SORCS2: variants seen among roughly 807,000 people sequenced by gnomAD.
SORCS2 encodes VPS10 domain-containing receptor SorCS2.
In SORCS2, 100 loss-of-function variants were observed where a neutral mutation model predicts 141.6. The observed-to-expected ratio is 0.71, with a 90% CI of 0.60 to 0.83. SORCS2 has a LOEUF of 0.83. SORCS2 is among the 40% of genes least tolerant of loss of function. SORCS2 has a pLI of 0.00. For missense variants in SORCS2, 1,646 were observed against 1,560.2 expected, an observed-to-expected ratio of 1.05 and a Z score of -0.93; for synonymous variants, 789 against 676.9, an observed-to-expected ratio of 1.17 and a Z score of -2.57.
chr4:7,283,638 GGGTGA>G (rs1031266402), intron 1 of SORCS2, among the ~76,000 whole-genome samples: 4 of 152,276 alleles, frequency 2.6e-5, no homozygotes, highest in African/African-American at 9.6e-5. Context: ...TGCCCTTGTG[GGGTGA>G]CATTGGGTTG....
chr4:7,490,213 G>T (rs1246149860), intron 2 of SORCS2, among the ~76,000 whole-genome samples: 1 of 152,178 alleles, frequency 6.6e-6, no homozygotes, highest in Non-Finnish European at 1.5e-5. Flanking sequence ...CTCTGAGGTG[G>T]CTTTGGGAGC....
At chr4:7,243,477 C>T (rs1339344577) in intron 1 of SORCS2, among the ~76,000 whole-genome samples, 3 of 152,064 alleles carry the variant, frequency 2.0e-5, no homozygotes, top group African/African-American at 7.2e-5. Flanking sequence ...GGGAAAGGTG[C>T]GGGGAGTGAA....
intron 3 of SORCS2, among the ~76,000 whole-genome samples, chr4:7,592,078 G>A (rs1473958862): frequency 7.2e-5 from 11 of 152,134 alleles, no homozygotes; most frequent in Non-Finnish European, 1.5e-4. Flanking sequence ...CACCACATGA[G>A]CCCTGAGCTT....
intron 3 of SORCS2, among the ~76,000 whole-genome samples, chr4:7,573,316 G>A (rs1380044409): frequency 6.6e-6 from 1 of 152,182 alleles, no homozygotes; most frequent in Non-Finnish European, 1.5e-5. Flanking sequence ...CCACTCCAGA[G>A]ACATCCCTTT....
chr4:7,658,778 G>A (rs907324497), intron 5 of SORCS2, among the ~76,000 whole-genome samples: 4 of 152,234 alleles, frequency 2.6e-5, no homozygotes, highest in African/African-American at 4.8e-5. Flanking sequence ...GGATCCTGGT[G>A]CCAGGCAGGT....
intron 1 of SORCS2, among the ~76,000 whole-genome samples, chr4:7,324,258 C>T (rs1321364553): frequency 6.6e-6 from 1 of 152,228 alleles, no homozygotes; most frequent in African/African-American, 2.4e-5. Context: ...GCAATGGTGG[C>T]CTATCACGTA....
intron 3 of SORCS2, among the ~76,000 whole-genome samples, chr4:7,593,320 A>G (rs943765758): frequency 1.2e-4 from 18 of 152,012 alleles, no homozygotes; most frequent in African/African-American, 4.1e-4. Flanking sequence ...ATGGAAATAG[A>G]CTCTGCTGTT....
chr4:7,487,419 TC>T (rs1388978904), intron 2 of SORCS2, among the ~76,000 whole-genome samples: 3 of 152,068 alleles, frequency 2.0e-5, no homozygotes, highest in Admixed American at 2.0e-4. Context: ...GACCTCCACT[TC>T]CCCCTCCCCT....
chr4:7,219,184 G>A (rs1427104320), intron 1 of SORCS2, among the ~76,000 whole-genome samples: 2 of 152,078 alleles, frequency 1.3e-5, no homozygotes, highest in African/African-American at 2.4e-5. Context: ...GTGTGTGTGT[G>A]TGTCTGTTCA....
At position 7,305,326 on chromosome 4, in the gene SORCS2, C is replaced by T. The variant is rs182597263; in HGVS notation, c.481-90962C>T. ...GATCACAGGCGTGAGCCACCACGCA[C>T]GGCCCATTCTGGCTCTTGTCCCATT... is the stretch of plus-strand genomic sequence containing the variant. On this transcript the variant is annotated intron_variant, in intron 1 of 26. Coordinates refer to ENST00000507866, the MANE Select transcript of SORCS2 (RefSeq NM_020777.3). Among the ~76,000 whole-genome samples, 506 of 99,680 alleles carry T rather than the reference C, an allele frequency of 5.1e-3. 6 individuals carry two copies. Among genetic ancestry groups the T allele is most frequent in the African/African-American group, 0.013 (475 of 35,230 alleles). 65.4% of individuals were successfully genotyped at this position (99,680 alleles called of 152,430 possible).
intron 3 of SORCS2, among the ~76,000 whole-genome samples, chr4:7,557,819 G>C (rs1714247380): frequency 1.3e-5 from 2 of 152,192 alleles, no homozygotes; most frequent in African/African-American, 4.8e-5. Context: ...TGGAAGTGGG[G>C]GCACGGTGCC....
rs1256053049 is a variant in SORCS2 at position 7,740,708 on chromosome 4, C to T, written c.*444C>T. The T allele has an allele frequency of 6.8e-6, 2 of 293,948 alleles. No homozygotes were observed. The highest frequency in any genetic ancestry group is 1.3e-5 in the Non-Finnish European group (2 of 157,968). The allele number at this position is 293,948 out of a possible 1,614,324, so 18.2% of individuals were successfully genotyped here. A position where few individuals can be genotyped will look rare whatever the true frequency, so the allele number is the denominator to read the frequency against. On this transcript the variant is annotated 3_prime_UTR_variant, in exon 27 of 27. Coordinates refer to ENST00000507866, the MANE Select transcript of SORCS2 (RefSeq NM_020777.3). ...GGGCCTCCCTGACTTTGCTTCTTCA[C>T]TCCCACCTGTGCGGCCACCCAGTCC... is the stretch of plus-strand genomic sequence containing the variant.
rs189693968 is a variant in SORCS2 at position 7,356,856 on chromosome 4, G to T, written c.481-39432G>T. Among the ~76,000 whole-genome samples the T allele has an allele frequency of 6.9e-3, 1,058 of 152,350 alleles. 12 individuals are homozygous for T. The highest frequency in any genetic ancestry group is 0.025 in the African/African-American group (1,020 of 41,582). Reference sequence around the variant, plus strand: ...AATGATCCCTGGATCTCTGGAGAGGGCTCCGGGCCTGGCCTGCTGGCTGGG... The same window carrying T: ...AATGATCCCTGGATCTCTGGAGAGGTCTCCGGGCCTGGCCTGCTGGCTGGG... On this transcript the variant is annotated intron_variant, in intron 1 of 26. Coordinates refer to ENST00000507866, the MANE Select transcript of SORCS2 (RefSeq NM_020777.3).
chr4:7,723,775 G>A lies in SORCS2; in HGVS notation c.2503G>A (p.Gly835Arg), dbSNP rs374981617. Reference protein sequence around the residue: ...KAMYVNLTLTGEPIRHRYESP... With the variant: ...KAMYVNLTLTREPIRHRYESP... ...CATGTACGTGAACCTTACACTGACC[G>A]GGGAGCCCATCCGGCACCGCTACGA... Residue 835 changes from glycine to arginine, a missense_variant, in exon 19 of 27, where the codon GGG becomes AGG. Gly to Arg is a moderately radical substitution (Grantham distance 125). Coordinates refer to ENST00000507866, the MANE Select transcript of SORCS2 (RefSeq NM_020777.3). The A allele has an allele frequency of 8.2e-5, 132 of 1,613,820 alleles. No individual in the cohort carries two copies. Among genetic ancestry groups the A allele is most frequent in the East Asian group, 2.9e-4 (13 of 44,900 alleles).
intron 2 of SORCS2, among the ~76,000 whole-genome samples, chr4:7,442,949 G>C (rs1435118744): frequency 2.0e-5 from 3 of 152,134 alleles, no homozygotes; most frequent in Non-Finnish European, 4.4e-5. Context: ...CTTCCTCCCA[G>C]GTTCTGGTGG....
At chr4:7,366,221 C>A (rs1721875867) in intron 1 of SORCS2, among the ~76,000 whole-genome samples, 1 of 152,106 alleles carries the variant, frequency 6.6e-6, no homozygotes, top group South Asian at 2.1e-4. Flanking sequence ...TCCCTCTCTT[C>A]CCTTTCCTCC....
chr4:7,468,824 G>A lies in SORCS2; in HGVS notation c.549-62706G>A, dbSNP rs147757016. ...GACATTCGGGGGTTTGGGTCTGGAC[G>A]TTGCATTTGATCTTCCCCTTCCTAT... On this transcript the variant is annotated intron_variant, in intron 2 of 26. Transcript: ENST00000507866. Among the ~76,000 whole-genome samples, 32 of 152,292 alleles carry A rather than the reference G, an allele frequency of 2.1e-4. 1 individual carries two copies. The highest frequency in any genetic ancestry group is 4.0e-4 in the Non-Finnish European group (27 of 68,018).
intron 10 of SORCS2, among the ~76,000 whole-genome samples, chr4:7,687,673 C>T (rs1299584199): frequency 6.6e-6 from 1 of 152,136 alleles, no homozygotes; most frequent in Non-Finnish European, 1.5e-5. Flanking sequence ...CACAGGGCCA[C>T]CTTTCAGCTG....
At chr4:7,722,166 C>T (rs1436514557) in intron 18 of SORCS2, among the ~76,000 whole-genome samples, 1 of 152,172 alleles carries the variant, frequency 6.6e-6, no homozygotes, top group African/African-American at 2.4e-5. Context: ...GCGCCTCACC[C>T]AGGTTGAGCG....
Sources: allele counts gnomAD v4.1 joint callset (sites outside exome capture counted in the v4.1 genomes callset), GRCh38; gene constraint gnomAD v4.1.1; transcripts MANE v1.5; gene names NCBI Gene and HGNC (gene_info 2026-07-23, HGNC 2026-07-21).